IGBP1C: variants seen among roughly 807,000 people sequenced by gnomAD.
IGBP1C encodes IGBP1 family member C.
the IGBP1C span, among the ~76,000 whole-genome samples, chr17:58,678,845 A>AATAATAAT: frequency 6.8e-6 from 1 of 148,014 alleles, no homozygotes; most frequent in African/African-American, 2.5e-5. Context: ...TAATAATAAT[A>AATAATAAT]ATAATAATAA....
chr17:58,679,076 C>T, the IGBP1C span, among the ~76,000 whole-genome samples: 1 of 151,936 alleles, frequency 6.6e-6, no homozygotes, highest in Non-Finnish European at 1.5e-5. Context: ...ATCCCTTGAA[C>T]CCTTGAGGCT....
At chr17:58,690,103 T>C in the IGBP1C span, among the ~76,000 whole-genome samples, 1 of 152,110 alleles carries the variant, frequency 6.6e-6, no homozygotes, top group Admixed American at 6.6e-5. Flanking sequence ...CAGAAGATAT[T>C]AATAGCACTT....
At chr17:58,668,372 G>A in the IGBP1C span, among the ~76,000 whole-genome samples, 1 of 152,132 alleles carries the variant, frequency 6.6e-6, no homozygotes, top group East Asian at 1.9e-4. Flanking sequence ...AGCTACCAAA[G>A]CCTCTTCTAC....
chr17:58,661,001 T>C, the IGBP1C span: 1 of 1,172,678 alleles, frequency 8.5e-7, no homozygotes, highest in South Asian at 1.2e-5. Flanking sequence ...AATCCACCTC[T>C]GAAGGTGAAG....
At chr17:58,678,133 G>A in the IGBP1C span, among the ~76,000 whole-genome samples, 3 of 152,256 alleles carry the variant, frequency 2.0e-5, no homozygotes, top group South Asian at 4.1e-4. Context: ...CTGGGCGACA[G>A]AGCGAGACTC....
chr17:58,681,988 C>G, the IGBP1C span, among the ~76,000 whole-genome samples: 3 of 152,188 alleles, frequency 2.0e-5, no homozygotes, highest in Non-Finnish European at 4.4e-5. Flanking sequence ...AGATTTGTGA[C>G]TAGCAGTGCC....
the IGBP1C span, among the ~76,000 whole-genome samples, chr17:58,668,083 C>A: frequency 6.6e-6 from 1 of 152,032 alleles, no homozygotes; most frequent in East Asian, 1.9e-4. Flanking sequence ...TGCACCACCC[C>A]CCAGGTGATA....
the IGBP1C span, chr17:58,666,689 G>A: frequency 5.3e-5 from 8 of 152,170 alleles, no homozygotes; most frequent in Admixed American, 2.0e-4. Flanking sequence ...TCTCCTGACA[G>A]GTAATTATGA....
At chr17:58,669,033 G>C in the IGBP1C span, among the ~76,000 whole-genome samples, 1 of 152,118 alleles carries the variant, frequency 6.6e-6, no homozygotes, top group Non-Finnish European at 1.5e-5. Flanking sequence ...TGGAGGATTA[G>C]GGATACATCT....
the IGBP1C span, among the ~76,000 whole-genome samples, chr17:58,663,880 A>C: frequency 6.6e-6 from 1 of 152,160 alleles, no homozygotes; most frequent in East Asian, 1.9e-4. Context: ...AATAAAAACC[A>C]TACTAACTCT....
At chr17:58,678,948 G>A in the IGBP1C span, among the ~76,000 whole-genome samples, 3 of 152,022 alleles carry the variant, frequency 2.0e-5, no homozygotes, top group East Asian at 3.9e-4. Context: ...GAGGTTAGGA[G>A]TGCGAGACCA....
the IGBP1C span, among the ~76,000 whole-genome samples, chr17:58,680,389 C>A: frequency 6.6e-6 from 1 of 152,182 alleles, no homozygotes; most frequent in African/African-American, 2.4e-5. Flanking sequence ...GTCTTTCAAA[C>A]ATGCAGCAAA....
the IGBP1C span, among the ~76,000 whole-genome samples, chr17:58,674,839 G>GAAA: frequency 1.6e-5 from 2 of 123,398 alleles, no homozygotes; most frequent in Non-Finnish European, 3.5e-5. Context: ...GAGGCCTTTG[G>GAAA]AAAAAAAAAA....
At chr17:58,685,450 A>T in the IGBP1C span, among the ~76,000 whole-genome samples, 1 of 151,618 alleles carries the variant, frequency 6.6e-6, no homozygotes. Context: ...AAAAAAAAAA[A>T]GAATGTCAGA....
At chr17:58,676,545 A>C in the IGBP1C span, among the ~76,000 whole-genome samples, 2 of 152,168 alleles carry the variant, frequency 1.3e-5, no homozygotes, top group Admixed American at 6.6e-5. Context: ...GAGCAATAAG[A>C]GTGAAACTCC....
the IGBP1C span, among the ~76,000 whole-genome samples, chr17:58,668,270 C>T: frequency 6.6e-6 from 1 of 152,196 alleles, no homozygotes; most frequent in African/African-American, 2.4e-5. Context: ...AGTCTTTCTC[C>T]TCCACTACAA....
At chr17:58,690,494 C>G in the IGBP1C span, among the ~76,000 whole-genome samples, 1 of 152,088 alleles carries the variant, frequency 6.6e-6, no homozygotes, top group South Asian at 2.1e-4. Context: ...CCACTGTCAA[C>G]GAAAGAAATT....
At chr17:58,666,455 C>G in the IGBP1C span, 2 of 97,340 alleles carry the variant, frequency 2.1e-5, no homozygotes, top group African/African-American at 4.1e-5. Flanking sequence ...AAACCTTCCA[C>G]GGCAAAAAAA....
the IGBP1C span, among the ~76,000 whole-genome samples, chr17:58,690,147 GTTTT>G: frequency 1.3e-5 from 2 of 150,228 alleles, no homozygotes; most frequent in African/African-American, 4.9e-5. Context: ...TTGAGTGGGG[GTTTT>G]TTTGTTTTTT....
Sources: gnomAD v4.1 joint callset for allele counts (sites outside exome capture counted in the v4.1 genomes callset) on GRCh38, gnomAD v4.1.1 for gene constraint, MANE v1.5 for transcripts, NCBI Gene and HGNC (gene_info 2026-07-23, HGNC 2026-07-21) for gene names.